The following ZNF385D variants were observed in gnomAD, a reference collection of about 807,000 sequenced individuals.
The protein encoded by ZNF385D is zinc finger protein 385D, also known as zinc finger protein 659.
Under a neutral mutation model 35.8 loss-of-function variants are expected in ZNF385D, and 15 were observed. That is an observed-to-expected ratio of 0.42 (90% CI 0.28 to 0.64). The LOEUF is 0.64. Among genes scored for constraint, ZNF385D ranks in the 30% least tolerant of loss-of-function variants. ZNF385D has a pLI of 0.23. For synonymous variants in ZNF385D, 212 were observed against 186.8 expected (o/e 1.13, Z -1.10); for missense variants, 474 against 494.6 (o/e 0.96, Z 0.39).
At position 22,219,444 on chromosome 3, in the gene ZNF385D, T is replaced by C. The variant is rs528575481; in HGVS notation, c.107-50409A>G. Among the ~76,000 whole-genome samples the C allele has an allele frequency of 5.3e-5, 8 of 152,270 alleles. No homozygotes were observed. In the South Asian group the frequency reaches 1.2e-3, roughly 24 times the overall value. On this transcript the variant is annotated intron_variant, in intron 2 of 5. Transcript: ENST00000494108. Reference sequence around the variant, plus strand: ...CTGATCATTGTGCCCTGTCACCATATATTTTACAACCTATTCTCCAGGGAA... The same window carrying C: ...CTGATCATTGTGCCCTGTCACCATACATTTTACAACCTATTCTCCAGGGAA...
At chr3:21,751,327 C>T, upstream of ZNF385D, 2 of 1,062,784 alleles carry the variant, frequency 1.9e-6, no homozygotes, top group Non-Finnish European at 2.3e-6. Flanking sequence ...GAAGCTTTGA[C>T]GAGCCCAGAG....
intron 2 of ZNF385D, among the ~76,000 whole-genome samples, chr3:22,268,868 T>C (rs1701029944): frequency 6.6e-6 from 1 of 151,912 alleles, no homozygotes; most frequent in African/African-American, 2.4e-5. Flanking sequence ...TCAGTTTCCT[T>C]ATCTGGAAAA....
intron 3 of ZNF385D, among the ~76,000 whole-genome samples, chr3:21,931,705 G>A (rs1701016437): frequency 6.6e-6 from 1 of 152,144 alleles, no homozygotes; most frequent in Non-Finnish European, 1.5e-5. Flanking sequence ...ACCAGGGATT[G>A]ACTACAAGAG....
chr3:22,287,635 C>T (rs964895728), intron 2 of ZNF385D, among the ~76,000 whole-genome samples: 2 of 152,054 alleles, frequency 1.3e-5, no homozygotes, highest in Middle Eastern at 6.8e-3. Context: ...AAACTCTACA[C>T]TTTTTCTACC....
chr3:22,125,266 T>C (rs1012426197), intron 3 of ZNF385D, among the ~76,000 whole-genome samples: 3 of 152,132 alleles, frequency 2.0e-5, no homozygotes, highest in Non-Finnish European at 4.4e-5. Flanking sequence ...TCTCTTTCAC[T>C]AGTGTATGCA....
Position 22,180,859 on chromosome 3 carries a change from G to A in ZNF385D, c.107-11824C>T, listed in dbSNP as rs563448175. On this transcript the variant is annotated intron_variant, in intron 2 of 5. Coordinates refer to the ZNF385D transcript ENST00000494108. ...ATGACTTTTAACAGTAAGGCTAAGA[G>A]GAGAATTGTGATGAAGATTTCGGCT... Among the ~76,000 whole-genome samples the A allele has an allele frequency of 2.6e-4, 39 of 149,132 alleles. 1 individual carries two copies. The East Asian group carries it at 7.3e-3, about 28-fold the overall frequency.
chr3:21,599,309 A>G (rs778006963), intron 2 of ZNF385D, among the ~76,000 whole-genome samples: 1 of 152,354 alleles, frequency 6.6e-6, no homozygotes, highest in African/African-American at 2.4e-5. Flanking sequence ...TTTGGCAAAT[A>G]CCAAATACTG....
intron 3 of ZNF385D, among the ~76,000 whole-genome samples, chr3:22,124,158 T>C (rs1703286941): frequency 1.3e-5 from 2 of 152,014 alleles, no homozygotes; most frequent in African/African-American, 4.8e-5. Flanking sequence ...GTATTAATTT[T>C]TAGCTCCCAC....
chr3:22,107,042 T>TTTTTTTTTTTTTTTTTTTTTTTTTTTTGA (rs10688533), intron 3 of ZNF385D, among the ~76,000 whole-genome samples: 1 of 149,490 alleles, frequency 6.7e-6, no homozygotes, highest in Non-Finnish European at 1.5e-5. Flanking sequence ...TTTTTTTTTT[T>TTTTTTTTTTTTTTTTTTTTTTTTTTTTGA]AGACAGAGTT....
chr3:21,685,006 G>A (rs1263278586), intron 1 of ZNF385D, among the ~76,000 whole-genome samples: 12 of 152,076 alleles, frequency 7.9e-5, no homozygotes, highest in African/African-American at 2.4e-4. Flanking sequence ...GGAAACCAAT[G>A]GGCTCCATAA....
At chr3:21,776,454 G>A (rs1237897744) in intron 3 of ZNF385D, among the ~76,000 whole-genome samples, 1 of 151,898 alleles carries the variant, frequency 6.6e-6, no homozygotes, top group South Asian at 2.1e-4. Context: ...AAAAAAGAAC[G>A]ACGTATGTGT....
intron 3 of ZNF385D, among the ~76,000 whole-genome samples, chr3:21,945,096 ATGTGTG>A (rs375492920): frequency 6.6e-6 from 1 of 151,250 alleles, no homozygotes; most frequent in Non-Finnish European, 1.5e-5. Flanking sequence ...CTATATTTGA[ATGTGTG>A]TGTGTGTGCA....
intron 3 of ZNF385D, among the ~76,000 whole-genome samples, chr3:22,151,830 A>C: frequency 6.6e-6 from 1 of 152,142 alleles, no homozygotes; most frequent in East Asian, 1.9e-4. Context: ...CTAGAAGAAA[A>C]TTCAATTTAC....
chr3:21,678,345 C>T (rs2066792408), intron 1 of ZNF385D, among the ~76,000 whole-genome samples: 3 of 152,026 alleles, frequency 2.0e-5, no homozygotes, highest in South Asian at 2.1e-4. Flanking sequence ...CTGCAACAGC[C>T]AGTGTTGACC....
At chr3:22,364,066 C>T (rs1311776361) in intron 2 of ZNF385D, among the ~76,000 whole-genome samples, 1 of 152,126 alleles carries the variant, frequency 6.6e-6, no homozygotes, top group Non-Finnish European at 1.5e-5. Context: ...ATAGTATTCA[C>T]ATTCTAGTCT....
intron 2 of ZNF385D, among the ~76,000 whole-genome samples, chr3:22,228,490 C>G (rs547789715): frequency 6.6e-6 from 1 of 152,310 alleles, no homozygotes; most frequent in South Asian, 2.1e-4. Context: ...TAAGTGTCCA[C>G]TCTGCCACTC....
intron 3 of ZNF385D, among the ~76,000 whole-genome samples, chr3:21,851,183 A>G (rs1696362326): frequency 6.6e-6 from 1 of 152,052 alleles, no homozygotes; most frequent in Admixed American, 6.6e-5. Flanking sequence ...AGTAAAAACA[A>G]AAAGTAAGTG....
At chr3:22,020,378 C>T (rs1051828123) in intron 3 of ZNF385D, among the ~76,000 whole-genome samples, 1 of 151,592 alleles carries the variant, frequency 6.6e-6, no homozygotes, top group Non-Finnish European at 1.5e-5. Flanking sequence ...TTAGTTGAAC[C>T]ACATGGGGAA....
At chr3:22,215,171 T>C (rs1392095910) in intron 2 of ZNF385D, among the ~76,000 whole-genome samples, 5 of 151,970 alleles carry the variant, frequency 3.3e-5, no homozygotes, top group Admixed American at 1.3e-4. Flanking sequence ...CTGGCGCCCA[T>C]GTGGTCTTTC....
Sources: gnomAD v4.1 joint callset for allele counts (sites outside exome capture counted in the v4.1 genomes callset) on GRCh38, gnomAD v4.1.1 for gene constraint, MANE v1.5 for transcripts, NCBI Gene and HGNC (gene_info 2026-07-23, HGNC 2026-07-21) for gene names.